VKORC1L1: variants seen among roughly 807,000 people sequenced by gnomAD.
VKORC1L1 encodes the protein vitamin K epoxide reductase complex subunit 1L1, also known as vitamin K epoxide reductase complex subunit 1-like protein 1.
Under a neutral mutation model 18.9 loss-of-function variants are expected in VKORC1L1, and 2 were observed. That is an observed-to-expected ratio of 0.11 (90% confidence interval 0.04 to 0.33). The LOEUF is 0.33. Among genes scored for constraint, VKORC1L1 ranks in the 10% least tolerant of loss-of-function variants. The pLI, the probability that VKORC1L1 is intolerant of heterozygous loss-of-function variation, is 1.00. For synonymous variants in VKORC1L1, 96 were observed against 100.0 expected (o/e 0.96, Z 0.24); for missense variants, 123 against 224.1 (o/e 0.55, Z 2.88).
At chr7:65,912,749 G>T (rs1019957490) in intron 1 of VKORC1L1, among the ~76,000 whole-genome samples, 1 of 151,908 alleles carries the variant, frequency 6.6e-6, no homozygotes, top group African/African-American at 2.4e-5. Context: ...TCTATACTTT[G>T]TAAAATACAA....
chr7:65,876,179 C>T (rs371470648), intron 1 of VKORC1L1, among the ~76,000 whole-genome samples: 2 of 152,166 alleles, frequency 1.3e-5, no homozygotes, highest in African/African-American at 4.8e-5. Context: ...ACCACTATCT[C>T]CTGTCACCAT....
intron 1 of VKORC1L1, among the ~76,000 whole-genome samples, chr7:65,899,891 T>G (rs1412940285): frequency 6.6e-6 from 1 of 151,810 alleles, no homozygotes; most frequent in Non-Finnish European, 1.5e-5. Flanking sequence ...TCCCAGCTAC[T>G]CGGGAGGCTG....
At position 65,929,294 on chromosome 7, in the gene VKORC1L1, T is replaced by TC. The variant is rs530319162; in HGVS notation, c.195-19375dup. On this transcript the variant is annotated intron_variant, in intron 1 of 2. Coordinates refer to ENST00000360768, the MANE Select transcript of VKORC1L1 (RefSeq NM_173517.6). Reference sequence around the variant, plus strand: ...TGGGTGTGGTGGGAGGCACCTGTAATCCACCTATTCAGGAGGGTGAGGTGG... The same window carrying TC: ...TGGGTGTGGTGGGAGGCACCTGTAATCCCACCTATTCAGGAGGGTGAGGTGG... Among the ~76,000 whole-genome samples the TC allele has an allele frequency of 1.9e-3, 285 of 152,160 alleles. 3 individuals carry two copies. Among genetic ancestry groups the TC allele is most frequent in the African/African-American group, 6.7e-3 (278 of 41,528 alleles).
chr7:65,908,243 G>A (rs1208891630), intron 1 of VKORC1L1, among the ~76,000 whole-genome samples: 1 of 152,068 alleles, frequency 6.6e-6, no homozygotes, highest in Non-Finnish European at 1.5e-5. Flanking sequence ...TGAAACCGCC[G>A]TCCCTACTAA....
upstream of VKORC1L1, among the ~76,000 whole-genome samples, chr7:65,868,076 A>G (rs1788683731): frequency 6.6e-6 from 1 of 152,098 alleles, no homozygotes; most frequent in South Asian, 2.1e-4. Flanking sequence ...CAAACTCCTG[A>G]CCTCAGGTGA....
At chr7:65,917,888 A>G (rs760529317) in intron 1 of VKORC1L1, among the ~76,000 whole-genome samples, 24 of 152,208 alleles carry the variant, frequency 1.6e-4, no homozygotes, top group Non-Finnish European at 2.8e-4. Context: ...GTCAAGTTAT[A>G]TAGGGTGGTG....
intron 1 of VKORC1L1, among the ~76,000 whole-genome samples, chr7:65,940,686 T>C (rs1486922177): frequency 2.0e-5 from 3 of 152,208 alleles, no homozygotes; most frequent in Non-Finnish European, 4.4e-5. Flanking sequence ...ATGGTTGATC[T>C]TGTTTAAAGT....
At chr7:65,890,650 C>T (rs529601623) in intron 1 of VKORC1L1, among the ~76,000 whole-genome samples, 1 of 152,312 alleles carries the variant, frequency 6.6e-6, no homozygotes, top group African/African-American at 2.4e-5. Context: ...TGCATATCTT[C>T]AGTTTTACTT....
At chr7:65,922,604 G>GA (rs149725969) in intron 1 of VKORC1L1, among the ~76,000 whole-genome samples, 16,910 of 152,244 alleles carry the variant, frequency 0.11, 1,094 homozygotes, top group Middle Eastern at 0.2. Context: ...TCTTTTGCCT[G>GA]AAGAACTTCC....
At chr7:65,877,757 C>T (rs1203669903) in intron 1 of VKORC1L1, among the ~76,000 whole-genome samples, 1 of 152,148 alleles carries the variant, frequency 6.6e-6, no homozygotes, top group Non-Finnish European at 1.5e-5. Context: ...ATAGGCTTGA[C>T]AAATCTATGT....
rs1790269465 is a variant in VKORC1L1 at position 65,954,871 on chromosome 7, G to C, written c.*571G>C. 1 of 154,438 alleles carries C rather than the reference G, an allele frequency of 6.5e-6. No homozygotes were observed. Among genetic ancestry groups the C allele is most frequent in the Admixed American group, 6.4e-5 (1 of 15,632 alleles). 9.6% of individuals were successfully genotyped at this position (154,438 alleles called of 1,614,324 possible). ...AGTTGGAGTGTAGCACTGAAGAACT[G>C]TCAGCTCAGCGTTGACTGAGGAGAT... On this transcript the variant is annotated 3_prime_UTR_variant, in exon 3 of 3. Coordinates refer to ENST00000360768, the MANE Select transcript of VKORC1L1 (RefSeq NM_173517.6).
At chr7:65,953,414 T>C (rs574532748) in intron 2 of VKORC1L1, among the ~76,000 whole-genome samples, 8 of 152,342 alleles carry the variant, frequency 5.3e-5, no homozygotes, top group East Asian at 1.9e-4. Flanking sequence ...AAGAAAAAGG[T>C]TGTGGTCCTC....
In VKORC1L1 at chr7:65,958,398, C is replaced by A. The variant is rs1790336598; in HGVS notation, c.*4098C>A. ...AAATGGAGTTCACTGGGCAGGTTTCCCCTTTAATCTAGATAGAAATACTCT... is the reference window on the plus strand; with the variant it reads ...AAATGGAGTTCACTGGGCAGGTTTCACCTTTAATCTAGATAGAAATACTCT... On this transcript the variant is annotated 3_prime_UTR_variant, in exon 3 of 3. Transcript: ENST00000360768. 6.6e-6 allele frequency: 1 copy of A among 152,102 alleles called. No individual in the cohort carries two copies. The highest frequency in any genetic ancestry group is 2.4e-5 in the African/African-American group (1 of 41,412). The allele number at this position is 152,102 out of a possible 1,614,324, so 9.4% of individuals were successfully genotyped here. A position where few individuals can be genotyped will look rare whatever the true frequency, so the allele number is the denominator to read the frequency against.
intron 1 of VKORC1L1, among the ~76,000 whole-genome samples, chr7:65,915,281 C>T (rs527978251): frequency 1.3e-5 from 2 of 151,258 alleles, no homozygotes; most frequent in African/African-American, 2.4e-5. Context: ...TTAGTAGAGA[C>T]GGGGTTTCAC....
At chr7:65,869,968 T>C, upstream of VKORC1L1, among the ~76,000 whole-genome samples, 1 of 149,558 alleles carries the variant, frequency 6.7e-6, no homozygotes, top group Non-Finnish European at 1.5e-5. Flanking sequence ...AAACACTCTT[T>C]TAAAAGCTTT....
intron 1 of VKORC1L1, among the ~76,000 whole-genome samples, chr7:65,908,419 A>C (rs1789442912): frequency 6.6e-6 from 1 of 152,114 alleles, no homozygotes; most frequent in African/African-American, 2.4e-5. Context: ...TCTCAAAAGA[A>C]GAAGAACAGA....
At chr7:65,938,359 TCTC>T (rs1789980744) in intron 1 of VKORC1L1, among the ~76,000 whole-genome samples, 1 of 151,776 alleles carries the variant, frequency 6.6e-6, no homozygotes, top group Non-Finnish European at 1.5e-5. Flanking sequence ...ATCATGGTAA[TCTC>T]CTAGAAATGG....
At chr7:65,923,109 G>A (rs1789704442) in intron 1 of VKORC1L1, among the ~76,000 whole-genome samples, 1 of 152,136 alleles carries the variant, frequency 6.6e-6, no homozygotes, top group South Asian at 2.1e-4. Flanking sequence ...TCGTCTGTGT[G>A]AGGCTGACAT....
chr7:65,894,511 G>A (rs1396121356), intron 1 of VKORC1L1, among the ~76,000 whole-genome samples: 2 of 150,824 alleles, frequency 1.3e-5, no homozygotes, highest in Admixed American at 6.6e-5. Flanking sequence ...GGTGGATCAC[G>A]AGGTCAGAAG....
Sources: allele counts gnomAD v4.1 joint callset (sites outside exome capture counted in the v4.1 genomes callset), GRCh38; gene constraint gnomAD v4.1.1; transcripts MANE v1.5; gene names NCBI Gene and HGNC (gene_info 2026-07-23, HGNC 2026-07-21).